SUGCT: variants seen among roughly 807,000 people sequenced by gnomAD.
SUGCT encodes succinyl-CoA:glutarate CoA-transferase.
Under a neutral mutation model 55.0 loss-of-function variants are expected in SUGCT, and 41 were observed. The ratio of observed to expected loss-of-function variants is 0.74; its 90% confidence interval spans 0.58 to 0.97. SUGCT has a LOEUF of 0.97. Among genes scored for constraint, SUGCT ranks in the 50% least tolerant of loss-of-function variants. The pLI, the probability that SUGCT is intolerant of heterozygous loss-of-function variation, is 0.00. For missense variants in SUGCT, 568 were observed against 547.8 expected, an observed-to-expected ratio of 1.04 and a Z score of -0.37; for synonymous variants, 187 against 200.4, an observed-to-expected ratio of 0.93 and a Z score of 0.56.
intron 12 of SUGCT, among the ~76,000 whole-genome samples, chr7:40,638,817 A>G (rs192735854): frequency 3.5e-4 from 54 of 152,240 alleles, no homozygotes; most frequent in African/African-American, 1.1e-3. Context: ...AGAGGGAGTA[A>G]TAGGGTACGT....
At chr7:40,425,261 C>T (rs1346377564) in intron 9 of SUGCT, among the ~76,000 whole-genome samples, 2 of 151,922 alleles carry the variant, frequency 1.3e-5, no homozygotes, top group African/African-American at 4.8e-5. Flanking sequence ...TAAACATGGC[C>T]CCAAACACTC....
chr7:40,508,436 C>T (rs903124946), intron 12 of SUGCT, among the ~76,000 whole-genome samples: 2 of 152,204 alleles, frequency 1.3e-5, no homozygotes, highest in African/African-American at 4.8e-5. Context: ...CAGCCTGCTC[C>T]TCATGGGGTA....
intron 12 of SUGCT, among the ~76,000 whole-genome samples, chr7:40,650,964 A>G (rs1584208663): frequency 6.6e-6 from 1 of 151,060 alleles, no homozygotes; most frequent in Non-Finnish European, 1.5e-5. Context: ...ACAAGAACAT[A>G]ATGTTGTTTG....
chr7:40,524,277 A>G (rs1365219838), intron 12 of SUGCT, among the ~76,000 whole-genome samples: 5 of 152,048 alleles, frequency 3.3e-5, no homozygotes, highest in African/African-American at 1.2e-4. Context: ...TAATTTCCCA[A>G]ATGTTTTGCT....
chr7:40,363,593 GT>G (rs1798262464), intron 9 of SUGCT, among the ~76,000 whole-genome samples: 1 of 152,152 alleles, frequency 6.6e-6, no homozygotes, highest in Non-Finnish European at 1.5e-5. Context: ...TCAGGAGCAG[GT>G]TGTTCAGTTT....
intron 7 of SUGCT, among the ~76,000 whole-genome samples, chr7:40,252,846 A>G (rs1790525161): frequency 6.6e-6 from 1 of 151,918 alleles, no homozygotes. Flanking sequence ...ACAGGGACCT[A>G]TTATGTTGCC....
chr7:40,391,358 G>C (rs1361235205), intron 9 of SUGCT, among the ~76,000 whole-genome samples: 1 of 152,070 alleles, frequency 6.6e-6, no homozygotes, highest in Admixed American at 6.5e-5. Flanking sequence ...CCTACAGAAT[G>C]GGAGAAAATT....
chr7:40,620,089 T>G (rs1399408289), intron 12 of SUGCT, among the ~76,000 whole-genome samples: 1 of 152,208 alleles, frequency 6.6e-6, no homozygotes, highest in African/African-American at 2.4e-5. Flanking sequence ...TGAAGGAATA[T>G]TCTCCTTTTA....
At chr7:41,022,260 A>G in the SUGCT span, among the ~76,000 whole-genome samples, 4 of 152,184 alleles carry the variant, frequency 2.6e-5, no homozygotes, top group African/African-American at 9.6e-5. Context: ...TGTCATCACC[A>G]AAATAGAGAC....
chr7:40,791,716 T>C (rs1302491153), intron 13 of SUGCT, among the ~76,000 whole-genome samples: 4 of 152,190 alleles, frequency 2.6e-5, no homozygotes, highest in Non-Finnish European at 5.9e-5. Flanking sequence ...GGAAATATTA[T>C]TTCTGGATTT....
At chr7:40,535,548 T>A (rs1794316259) in intron 12 of SUGCT, among the ~76,000 whole-genome samples, 1 of 152,184 alleles carries the variant, frequency 6.6e-6, no homozygotes, top group African/African-American at 2.4e-5. Flanking sequence ...TGAGTGTATA[T>A]CCAAGAAGAC....
intron 13 of SUGCT, among the ~76,000 whole-genome samples, chr7:40,802,251 A>G (rs76379275): frequency 1.8e-3 from 276 of 152,224 alleles, no homozygotes; most frequent in African/African-American, 6.3e-3. Context: ...GGGAAGGGAT[A>G]AATGAATTTT....
intron 8 of SUGCT, among the ~76,000 whole-genome samples, chr7:40,278,335 A>C (rs1792681234): frequency 6.6e-6 from 1 of 152,148 alleles, no homozygotes; most frequent in Non-Finnish European, 1.5e-5. Flanking sequence ...GTGGGACTGT[A>C]AACTAGTTCA....
intron 13 of SUGCT, among the ~76,000 whole-genome samples, chr7:40,837,728 C>G (rs1459449075): frequency 6.6e-6 from 1 of 152,084 alleles, no homozygotes; most frequent in Non-Finnish European, 1.5e-5. Flanking sequence ...ATTCTCATGC[C>G]TCCTCCTCCC....
chr7:41,016,816 G>A, the SUGCT span, among the ~76,000 whole-genome samples: 11 of 152,180 alleles, frequency 7.2e-5, no homozygotes, highest in East Asian at 7.7e-4. Context: ...GGCTTCCTGC[G>A]TCTTGTGAAT....
chr7:40,299,438 C>A (rs1440375371), intron 8 of SUGCT, among the ~76,000 whole-genome samples: 1 of 152,186 alleles, frequency 6.6e-6, no homozygotes. Flanking sequence ...TGCCAATTCT[C>A]ATGGTGTAAA....
At chr7:40,299,982 G>A (rs1794436386) in intron 8 of SUGCT, among the ~76,000 whole-genome samples, 1 of 152,074 alleles carries the variant, frequency 6.6e-6, no homozygotes, top group Non-Finnish European at 1.5e-5. Flanking sequence ...GACTAAACCT[G>A]GCTTGCCGTC....
At chr7:41,034,668 A>G in the SUGCT span, among the ~76,000 whole-genome samples, 2 of 152,216 alleles carry the variant, frequency 1.3e-5, no homozygotes, top group Non-Finnish European at 2.9e-5. Flanking sequence ...AAACTGGTAC[A>G]TTTAAAGCAG....
At chr7:40,803,965 A>T (rs775055510) in intron 13 of SUGCT, among the ~76,000 whole-genome samples, 3 of 152,226 alleles carry the variant, frequency 2.0e-5, no homozygotes, top group Non-Finnish European at 4.4e-5. Flanking sequence ...ATCTAGAAAG[A>T]TCAACTTCAA....
Sources: gnomAD v4.1 joint callset for allele counts (sites outside exome capture counted in the v4.1 genomes callset) on GRCh38, gnomAD v4.1.1 for gene constraint, MANE v1.5 for transcripts, NCBI Gene and HGNC (gene_info 2026-07-23, HGNC 2026-07-21) for gene names.